NLGN4Y: variants seen among roughly 807,000 people sequenced by gnomAD.
NLGN4Y encodes the protein neuroligin-4, Y-linked.
In NLGN4Y, 4 loss-of-function variants were observed where a neutral mutation model predicts 8.4. That is an observed-to-expected ratio of 0.48 (90% confidence interval 0.23 to 1.09). The LOEUF is 1.09. NLGN4Y is among the 50% of genes least tolerant of loss of function. The pLI is 0.19. For missense variants in NLGN4Y, 90 were observed against 192.3 expected, an observed-to-expected ratio of 0.47 and a Z score of 3.15; for synonymous variants, 35 against 75.6, an observed-to-expected ratio of 0.46 and a Z score of 2.78.
At chrY:14,805,590 T>C (rs2043054075) in intron 4 of NLGN4Y, among the ~76,000 whole-genome samples, 2 of 34,115 alleles carry the variant, frequency 5.9e-5, no homozygotes, top group Non-Finnish European at 7.3e-5. Flanking sequence ...TTTGTGTATG[T>C]TATGGCAACA....
intron 2 of NLGN4Y, among the ~76,000 whole-genome samples, chrY:14,705,244 T>C (rs2080872658): frequency 3.0e-5 from 1 of 32,894 alleles, no homozygotes; most frequent in African/African-American, 1.2e-4. Context: ...AGGCATTTTC[T>C]TTCTCCCTTC....
intron 2 of NLGN4Y, among the ~76,000 whole-genome samples, chrY:14,632,634 G>A: frequency 1.5e-4 from 5 of 33,696 alleles, no homozygotes; most frequent in Non-Finnish European, 2.9e-4. Flanking sequence ...ACATCGACAT[G>A]CAACTAGGTG....
chrY:14,659,842 C>A (rs2080667738), intron 2 of NLGN4Y, among the ~76,000 whole-genome samples: 1 of 32,923 alleles, frequency 3.0e-5, no homozygotes, highest in Admixed American at 2.8e-4. Flanking sequence ...GGAGAGGGAC[C>A]AGCAGAGCCC....
chrY:14,550,171 C>T (rs112466699), intron 1 of NLGN4Y, among the ~76,000 whole-genome samples: 46 of 34,163 alleles, frequency 1.3e-3, no homozygotes, highest in Non-Finnish European at 2.6e-3. Flanking sequence ...TTCCTTTCCA[C>T]GATGAACTGC....
At chrY:14,696,061 A>C in intron 2 of NLGN4Y, among the ~76,000 whole-genome samples, 1 of 32,869 alleles carries the variant, frequency 3.0e-5, no homozygotes, top group Non-Finnish European at 7.5e-5. Flanking sequence ...TCATGCATGC[A>C]TGCCTGCATC....
At chrY:14,780,117 C>A in intron 4 of NLGN4Y, among the ~76,000 whole-genome samples, 1 of 32,920 alleles carries the variant, frequency 3.0e-5, no homozygotes, top group African/African-American at 1.2e-4. Context: ...TTCACCTATC[C>A]TTTCTTAAAT....
At chrY:14,532,745 AT>A (rs2080118963) in intron 1 of NLGN4Y, among the ~76,000 whole-genome samples, 1 of 31,975 alleles carries the variant, frequency 3.1e-5, no homozygotes, top group Non-Finnish European at 7.7e-5. Flanking sequence ...TATACATTAC[AT>A]TTTTTTTCTT....
intron 1 of NLGN4Y, among the ~76,000 whole-genome samples, chrY:14,596,487 G>C (rs2080398132): frequency 3.0e-5 from 1 of 33,665 alleles, no homozygotes; most frequent in African/African-American, 1.2e-4. Flanking sequence ...GGCGAGTCTC[G>C]CTTGGGCGAC....
rs772522349 is a variant in NLGN4Y, at chrY:14,775,326, T to C, written c.686-48862T>C. On this transcript the variant is annotated intron_variant, in intron 4 of 6. Transcript: ENST00000684976. Reference sequence around the variant, plus strand: ...TAACTATCATTTGTTAAAAACCAGGTATCCCCAATATGTTACTGGATGTGT... The same window carrying C: ...TAACTATCATTTGTTAAAAACCAGGCATCCCCAATATGTTACTGGATGTGT... 9.1e-5 allele frequency among the ~76,000 whole-genome samples: 3 copies of C among 32,799 alleles called. No individual in the cohort carries two copies. In the East Asian group the frequency reaches 2.4e-3, roughly 27 times the overall value. 88.0% of individuals were successfully genotyped at this position (32,799 alleles called of 37,273 possible). A position where few individuals can be genotyped will look rare whatever the true frequency, so the allele number is the denominator to read the frequency against.
At chrY:14,809,542 C>G (rs2043069920) in intron 4 of NLGN4Y, among the ~76,000 whole-genome samples, 1 of 32,051 alleles carries the variant, frequency 3.1e-5, no homozygotes, top group Non-Finnish European at 7.6e-5. Context: ...AAGTATTTAG[C>G]AGCCCACTAT....
intron 1 of NLGN4Y, among the ~76,000 whole-genome samples, chrY:14,614,439 A>C: frequency 3.1e-5 from 1 of 32,469 alleles, no homozygotes; most frequent in Admixed American, 2.8e-4. Context: ...TCTTTAGTTT[A>C]ATTAGATCCC....
intron 2 of NLGN4Y, among the ~76,000 whole-genome samples, chrY:14,675,662 G>T: frequency 3.1e-5 from 1 of 32,358 alleles, no homozygotes; most frequent in African/African-American, 1.2e-4. Context: ...ATTTCTCATA[G>T]TTCCAGAGGC....
At chrY:14,669,793 A>T (rs747719236) in intron 2 of NLGN4Y, among the ~76,000 whole-genome samples, 1 of 34,006 alleles carries the variant, frequency 2.9e-5, no homozygotes, top group Admixed American at 2.7e-4. Context: ...GGTGAAGAGC[A>T]AGCTCTCCAG....
At chrY:14,527,848 G>C (rs770486146) in intron 1 of NLGN4Y, among the ~76,000 whole-genome samples, 1 of 33,298 alleles carries the variant, frequency 3.0e-5, no homozygotes, top group Non-Finnish European at 7.4e-5. Context: ...ACTTTGAAAG[G>C]CTCCACTGTT....
intron 4 of NLGN4Y, among the ~76,000 whole-genome samples, chrY:14,768,708 T>G: frequency 3.1e-5 from 1 of 32,716 alleles, no homozygotes; most frequent in African/African-American, 1.2e-4. Flanking sequence ...TATATAGTAT[T>G]AAGGAGATGG....
intron 4 of NLGN4Y, among the ~76,000 whole-genome samples, chrY:14,805,454 T>G: frequency 1.2e-4 from 4 of 33,108 alleles, no homozygotes; most frequent in African/African-American, 4.7e-4. Context: ...CTCTAAAAGG[T>G]GGGAGAAACA....
chrY:14,618,122 T>C (rs779302735), intron 1 of NLGN4Y, among the ~76,000 whole-genome samples: 1 of 23,230 alleles, frequency 4.3e-5, no homozygotes, highest in South Asian at 1.1e-3. Context: ...CACTGGATTA[T>C]GAAAAAAAAA....
At chrY:14,604,424 G>C in intron 1 of NLGN4Y, among the ~76,000 whole-genome samples, 1 of 33,582 alleles carries the variant, frequency 3.0e-5, no homozygotes, top group Non-Finnish European at 7.4e-5. Context: ...GTCAGTGTAG[G>C]ATCTTGCTGT....
At chrY:14,585,558 AG>A (rs2080336980) in intron 1 of NLGN4Y, among the ~76,000 whole-genome samples, 1 of 33,747 alleles carries the variant, frequency 3.0e-5, no homozygotes, top group Non-Finnish European at 7.3e-5. Flanking sequence ...TTCTATACTG[AG>A]GTAATTTTTT....
Sources: allele counts gnomAD v4.1 joint callset (sites outside exome capture counted in the v4.1 genomes callset), GRCh38; gene constraint gnomAD v4.1.1; transcripts MANE v1.5; gene names NCBI Gene and HGNC (gene_info 2026-07-23, HGNC 2026-07-21).